The following ECPAS variants were observed in gnomAD, a reference collection of about 807,000 sequenced individuals.
ECPAS encodes the protein Ecm29 proteasome adaptor and scaffold.
A neutral mutation model predicts 255.1 loss-of-function variants in ECPAS; 70 were observed. That is an observed-to-expected ratio of 0.27 (90% CI 0.23 to 0.33). The LOEUF is 0.33. Among genes scored for constraint, ECPAS ranks in the 10% least tolerant of loss-of-function variants. The probability of loss-of-function intolerance (pLI) is 1.00; values close to 1 mark genes in which losing one functional copy is unlikely to be tolerated. For synonymous variants in ECPAS, 784 were observed against 775.0 expected, an observed-to-expected ratio of 1.01 and a Z score of -0.19; for missense variants, 1,817 against 2,206.4, an observed-to-expected ratio of 0.82 and a Z score of 3.54.
chr9:111,414,290 G>GT (rs756840168), intron 19 of ECPAS, 139 bp downstream of exon 19: 14 of 731,804 alleles, frequency 1.9e-5, no homozygotes, highest in Non-Finnish European at 3.1e-5. Flanking sequence ...AATGAATCAG[G>GT]TAAGTTTAAA....
intron 2 of ECPAS, among the ~76,000 whole-genome samples, chr9:111,462,258 G>A (rs535111053): frequency 6.6e-6 from 1 of 152,296 alleles, no homozygotes; most frequent in East Asian, 1.9e-4. Context: ...CTGTCCCAAA[G>A]AGTAGTTTAT....
rs2098206466 is a variant in ECPAS at position 111,417,782 on chromosome 9, T to C, written c.1683+101A>G. ...AAGAAAAGAAAAGAAAAAGAAATTTTATGAGTCAACATCTAGTGATTACAT... is the reference window on the plus strand; with the variant it reads ...AAGAAAAGAAAAGAAAAAGAAATTTCATGAGTCAACATCTAGTGATTACAT... On this transcript the variant is annotated intron_variant, in intron 17 of 49. Coordinates refer to ENST00000684092, the MANE Select transcript of ECPAS (RefSeq NM_001364929.1). 3 of 1,153,254 alleles carry C rather than the reference T, an allele frequency of 2.6e-6. No individual in the cohort carries two copies. The South Asian group carries it at 5.6e-5, about 21-fold the overall frequency. The allele number at this position is 1,153,254 out of a possible 1,614,324, so 71.4% of individuals were successfully genotyped here.
intron 4 of ECPAS, among the ~76,000 whole-genome samples, chr9:111,443,734 G>T (rs1336334116): frequency 6.6e-6 from 1 of 152,092 alleles, no homozygotes; most frequent in Non-Finnish European, 1.5e-5. Context: ...GCTCCAAAAG[G>T]TTTGTGACTC....
intron 32 of ECPAS, among the ~76,000 whole-genome samples, chr9:111,386,028 C>T (rs547194812): frequency 2.0e-5 from 3 of 152,340 alleles, no homozygotes; most frequent in African/African-American, 4.8e-5. Flanking sequence ...GGCACAATCT[C>T]GGCTCACTGC....
Position 111,371,764 on chromosome 9 carries a change from A to C in ECPAS, c.4594T>G (p.Ser1532Ala). Reference sequence around the variant, plus strand: ...TGGGCTTTCATTTTCCAGGACTGAGACTGCAAAGCCTTCTGGGTAATAGTA... The same window carrying C: ...TGGGCTTTCATTTTCCAGGACTGAGCCTGCAAAGCCTTCTGGGTAATAGTA... Reference protein sequence around the residue: ...LITITQKALQSQSWKMKAQGA... With the variant: ...LITITQKALQAQSWKMKAQGA... Residue 1532 changes from serine (S) to alanine (A), a missense_variant, in exon 43 of 50, where the codon TCT becomes GCT. Around this residue, in one of 4 missense-constraint regions of ECPAS, gnomAD observed 960 missense variants for 1,179.0 expected, o/e 0.81. Transcript: ENST00000684092. 6.2e-7 allele frequency: 1 copy of C among 1,613,910 alleles called. No homozygotes were observed. Among genetic ancestry groups the C allele is most frequent in the Non-Finnish European group, 8.5e-7 (1 of 1,179,822 alleles).
At chr9:111,459,040 G>C (rs1459778290) in intron 2 of ECPAS, among the ~76,000 whole-genome samples, 1 of 152,134 alleles carries the variant, frequency 6.6e-6, no homozygotes, top group African/African-American at 2.4e-5. Flanking sequence ...GGGATAACAG[G>C]AACTTGTAGG....
At chr9:111,417,215 G>A (rs2098205176) in intron 17 of ECPAS, among the ~76,000 whole-genome samples, 1 of 151,540 alleles carries the variant, frequency 6.6e-6, no homozygotes, top group African/African-American at 2.4e-5. Context: ...CTCTAGCCTG[G>A]GTGACCAGAG....
intron 19 of ECPAS, 101 bp from the exon 20 acceptor site, chr9:111,414,087 A>G (rs1288771659): frequency 7.2e-6 from 5 of 696,980 alleles, no homozygotes; most frequent in Non-Finnish European, 1.1e-5. Flanking sequence ...TTTAGCACAC[A>G]TTCTTTCGGT....
chr9:111,437,073 G>A lies in ECPAS; in HGVS notation c.575C>T (p.Ser192Leu), dbSNP rs1048131869. ...TGAAGAAGAACCCTGTGCTGAAGAT[G>A]AATTTTGGCGACTCTGGGATTCATT... ...VLNESQSRQN[S>L]SSAQGSSSNS... The change falls in exon 7 of 50, where the codon TCA becomes TTA. Residue 192 changes from serine (S) to leucine (L), a missense_variant. By Grantham distance (145) the Ser-to-Leu change is moderately radical (BLOSUM62 -2). Transcript: ENST00000684092. 13 of 1,609,182 alleles carry A rather than the reference G, an allele frequency of 8.1e-6. No individual in the cohort carries two copies. The highest frequency in any genetic ancestry group is 1.3e-5 in the African/African-American group (1 of 74,540).
chr9:111,464,654 A>G (rs2098277166), intron 2 of ECPAS, among the ~76,000 whole-genome samples: 1 of 152,226 alleles, frequency 6.6e-6, no homozygotes. Context: ...GAAAAATCTA[A>G]GATCAAACAA....
At chr9:111,481,889 T>C (rs2098305951) in intron 1 of ECPAS, among the ~76,000 whole-genome samples, 1 of 152,184 alleles carries the variant, frequency 6.6e-6, no homozygotes, top group African/African-American at 2.4e-5. Flanking sequence ...GTAGGAAGAA[T>C]ACTCAAAATC....
chr9:111,375,717 T>C (rs761684518), intron 37 of ECPAS, among the ~76,000 whole-genome samples: 2 of 152,208 alleles, frequency 1.3e-5, no homozygotes, highest in Non-Finnish European at 2.9e-5. Flanking sequence ...TAAATTTTTA[T>C]TTCCCCCCAA....
chr9:111,469,394 C>T (rs1009403250), intron 2 of ECPAS, among the ~76,000 whole-genome samples: 4 of 151,576 alleles, frequency 2.6e-5, no homozygotes, highest in Non-Finnish European at 2.9e-5. Context: ...ATTAGCTGGG[C>T]GTGGTGACGG....
rs772858611 is a variant in ECPAS at position 111,428,125 on chromosome 9, C to T, written c.967G>A (p.Val323Ile). The part of the protein sequence containing the change: ...VLKPELKRDP[V>I]STRVKLKIVP... ...ATCTTTAACTTGACTCTTGTACTGACAGGGTCCCTTTTCAACTCTGGCTTC... is the reference window on the plus strand; with the variant it reads ...ATCTTTAACTTGACTCTTGTACTGATAGGGTCCCTTTTCAACTCTGGCTTC... Residue 323 changes from valine (V) to isoleucine (I), a missense_variant, in exon 10 of 50, where the codon GTC becomes ATC. Around this residue, in one of 4 missense-constraint regions of ECPAS, gnomAD observed 573 missense variants for 716.2 expected, o/e 0.80. Transcript: ENST00000684092. 6 of 1,612,380 alleles carry T rather than the reference C, an allele frequency of 3.7e-6. No homozygotes were observed. Among genetic ancestry groups the T allele is most frequent in the Non-Finnish European group, 5.1e-6 (6 of 1,179,078 alleles).
chr9:111,422,693 C>T (rs1040163800), intron 13 of ECPAS, among the ~76,000 whole-genome samples: 9 of 152,088 alleles, frequency 5.9e-5, no homozygotes, highest in Non-Finnish European at 1.3e-4. Flanking sequence ...CATGGTGCCA[C>T]TGAGAATGCT....
Position 111,407,428 on chromosome 9 carries a change from A to AAAAAAAAAAG in ECPAS, c.2652+1142_2652+1143insCTTTTTTTTT, listed in dbSNP as rs2098186450. ...GAAAAAAAAAAAAAAAAAAAAAAAA[A>AAAAAAAAAAG]AAAAAAAAAACCTAGAAGAAACCCA... On this transcript the variant is annotated intron_variant, in intron 24 of 49. Coordinates refer to ENST00000684092, the MANE Select transcript of ECPAS (RefSeq NM_001364929.1). Among the ~76,000 whole-genome samples the AAAAAAAAAAG allele has an allele frequency of 2.6e-4, 26 of 98,722 alleles. 1 individual carries two copies. The highest frequency in any genetic ancestry group is 4.9e-4 in the Non-Finnish European group (19 of 38,758). 64.8% of individuals were successfully genotyped at this position (98,722 alleles called of 152,430 possible). A position where few individuals can be genotyped will look rare whatever the true frequency, so the allele number is the denominator to read the frequency against.
At chr9:111,412,629 C>G (rs573064065) in intron 20 of ECPAS, among the ~76,000 whole-genome samples, 1 of 152,104 alleles carries the variant, frequency 6.6e-6, no homozygotes, top group African/African-American at 2.4e-5. Context: ...GCAAACCATA[C>G]AAAAACAGGA....
intron 15 of ECPAS, among the ~76,000 whole-genome samples, 176 bp from the exon 16 acceptor site, chr9:111,420,296 C>T (rs553163063): frequency 1.3e-5 from 2 of 152,268 alleles, no homozygotes; most frequent in East Asian, 3.9e-4. Context: ...TGTTCAAGAT[C>T]TTTAATCATG....
intron 4 of ECPAS, among the ~76,000 whole-genome samples, chr9:111,442,768 G>A (rs2098247647): frequency 6.6e-6 from 1 of 152,178 alleles, no homozygotes; most frequent in Non-Finnish European, 1.5e-5. Context: ...CCAGTCTGTT[G>A]CATTAATCCT....
Sources: allele counts gnomAD v4.1 joint callset (sites outside exome capture counted in the v4.1 genomes callset), GRCh38; gene constraint gnomAD v4.1.1; regional missense constraint gnomAD v4.1.1; transcripts MANE v1.5; gene names NCBI Gene and HGNC (gene_info 2026-07-23, HGNC 2026-07-21).